The following RBSN variants were observed in gnomAD, a reference collection of about 807,000 sequenced individuals.
RBSN encodes rabenosyn, RAB effector.
Under a neutral mutation model 60.5 loss-of-function variants are expected in RBSN, and 34 were observed. That is an observed-to-expected ratio of 0.56 (90% CI 0.43 to 0.75). The LOEUF is 0.75. RBSN is among the 30% of genes least tolerant of loss of function. The pLI is 0.00. For missense variants in RBSN, 845 were observed against 986.8 expected, an observed-to-expected ratio of 0.86 and a Z score of 1.92; for synonymous variants, 322 against 366.9, an observed-to-expected ratio of 0.88 and a Z score of 1.40.
Position 15,074,799 on chromosome 3 carries a change from C to A in RBSN, c.1338G>T (p.Leu446=). 1 of 1,614,254 alleles carries A rather than the reference C, an allele frequency of 6.2e-7. No homozygotes were observed. The highest frequency in any genetic ancestry group is 8.5e-7 in the Non-Finnish European group (1 of 1,180,052). ...PLRKAEGWLP[L]SGGQGQSEDS... is the part of the protein sequence containing the mutation. ...CCTCACTCTGCCCCTGACCTCCTGA[C>A]AGTGGGAGCCAGCCCTCAGCCTTTC... The change falls in exon 14 of 14, where the codon CTG becomes CTT. Residue 446 remains leucine (L), a synonymous_variant. Transcript: ENST00000253699. The surrounding 1 kb of genome is among the most constrained non-coding windows in gnomAD (Gnocchi z 6.4).
At chr3:15,091,619 T>A in intron 4 of RBSN, 1 of 553,282 alleles carries the variant, frequency 1.8e-6, no homozygotes. Context: ...AGTTCATGCT[T>A]ACAATGTTAT....
chr3:15,081,967 T>C (rs946864450), intron 9 of RBSN, among the ~76,000 whole-genome samples: 2 of 152,212 alleles, frequency 1.3e-5, no homozygotes, highest in African/African-American at 4.8e-5. Context: ...TAGAACTTTC[T>C]AAAACTTGTA....
At chr3:15,092,876 A>G (rs1364771905) in intron 4 of RBSN, among the ~76,000 whole-genome samples, 1 of 152,230 alleles carries the variant, frequency 6.6e-6, no homozygotes, top group African/African-American at 2.4e-5. Context: ...TTTAGGAGAT[A>G]GAAAAACTGC....
At chr3:15,089,344 G>C (rs2043433146) in intron 5 of RBSN, among the ~76,000 whole-genome samples, 1 of 144,144 alleles carries the variant, frequency 6.9e-6, no homozygotes, top group African/African-American at 2.6e-5. Context: ...GTGTGCACCA[G>C]TAGTCTTAGC....
intron 4 of RBSN, chr3:15,091,488 T>A: frequency 7.8e-7 from 1 of 1,286,952 alleles, no homozygotes; most frequent in Non-Finnish European, 1.0e-6. Flanking sequence ...GAAACAGATA[T>A]AACATCTACA....
Position 15,077,113 on chromosome 3 carries a change from G to A in RBSN, c.1050C>T (p.Ser350=). The A allele has an allele frequency of 1.2e-6, 2 of 1,614,130 alleles. No individual in the cohort carries two copies. The highest frequency in any genetic ancestry group is 1.7e-6 in the Non-Finnish European group (2 of 1,180,014). ...GLNQDPPPHP[S]NLRLQRMIRY... ...TGATCATTCTCTGCAGCCGCAAATT[G>A]CTTGGATGTGGTGGAGGGTCCTGGT... The change falls in exon 12 of 14, where the codon AGC becomes AGT. Residue 350 remains serine, a synonymous_variant. Coordinates refer to ENST00000253699, the MANE Select transcript of RBSN (RefSeq NM_022340.4). This position sits in a 1 kb window ranked among gnomAD's most constrained non-coding sequence, Gnocchi z 4.4.
chr3:15,079,863 A>G (rs560985208), intron 10 of RBSN, among the ~76,000 whole-genome samples: 1 of 151,728 alleles, frequency 6.6e-6, no homozygotes, highest in Admixed American at 6.5e-5. Context: ...ATGTTCGCTA[A>G]TTTTGTGAAT....
chr3:15,092,499 C>CT (rs2043542720), intron 4 of RBSN, among the ~76,000 whole-genome samples: 1 of 152,078 alleles, frequency 6.6e-6, no homozygotes. Flanking sequence ...CTCTGCCTTC[C>CT]AGGGGTTCAA....
Position 15,074,736 on chromosome 3 carries a change from T to A in RBSN, c.1401A>T (p.Thr467=), listed in dbSNP as rs1274735463. 1.9e-6 allele frequency: 3 copies of A among 1,614,138 alleles called. No homozygotes were observed. The highest frequency in any genetic ancestry group is 2.7e-5 in the African/African-American group (2 of 74,952). ...CGGCCTTGGCCTGCCTGATGAATGA[T>A]GTGATGTTGTGGATCTGCTGGAGGA... The part of the protein sequence containing the change: ...DPLLQQIHNI[T]SFIRQAKAAG... Residue 467 remains threonine (T), a synonymous_variant, in exon 14 of 14, where the codon ACA becomes ACT. Coordinates refer to ENST00000253699, the MANE Select transcript of RBSN (RefSeq NM_022340.4). This position sits in a 1 kb window ranked among gnomAD's most constrained non-coding sequence, Gnocchi z 6.4.
intron 5 of RBSN, chr3:15,086,182 G>A: frequency 6.2e-6 from 3 of 484,654 alleles, no homozygotes; most frequent in Non-Finnish European, 1.1e-5. Flanking sequence ...AAGATGGCTT[G>A]AGCTCAGGAG....
rs1329396542 is a variant in RBSN, at chr3:15,074,330, G to T, written c.1807C>A (p.Pro603Thr). ...STQPTRVWSG[P>T]PAVGQERLPQ... ...AAGCGCTCCTGGCCAACGGCTGGGGGCCCAGACCACACTCTGGTGGGTTGA... is the reference window on the plus strand; with the variant it reads ...AAGCGCTCCTGGCCAACGGCTGGGGTCCCAGACCACACTCTGGTGGGTTGA... The change falls in exon 14 of 14, where the codon CCC becomes ACC. Residue 603 changes from proline (P) to threonine (T), a missense_variant. By Grantham distance (38) the Pro-to-Thr change is conservative (BLOSUM62 -1). Coordinates refer to ENST00000253699, the MANE Select transcript of RBSN (RefSeq NM_022340.4). The surrounding 1 kb of genome is among the most constrained non-coding windows in gnomAD (Gnocchi z 6.4). 2 of 1,613,998 alleles carry T rather than the reference G, an allele frequency of 1.2e-6. No homozygotes were observed. Among genetic ancestry groups the T allele is most frequent in the African/African-American group, 2.7e-5 (2 of 74,916 alleles).
intron 5 of RBSN, among the ~76,000 whole-genome samples, chr3:15,089,690 A>T (rs1490539895): frequency 1.3e-5 from 2 of 151,200 alleles, no homozygotes; most frequent in Non-Finnish European, 2.9e-5. Context: ...AGCTCACTGC[A>T]AGCTCTGCTT....
At chr3:15,079,102 A>C (rs2043140850) in intron 10 of RBSN, among the ~76,000 whole-genome samples, 2 of 152,118 alleles carry the variant, frequency 1.3e-5, no homozygotes. Context: ...AGGGATCAGC[A>C]AATTTTTTCC....
chr3:15,090,747 T>G (rs1316749122), intron 4 of RBSN, among the ~76,000 whole-genome samples: 2 of 152,218 alleles, frequency 1.3e-5, no homozygotes, highest in Non-Finnish European at 2.9e-5. Context: ...TTAATCAATA[T>G]TAGCATTAAA....
In RBSN at chr3:15,080,809, AC is replaced by A. The variant is rs775553913; in HGVS notation, c.841-8del. 5 of 1,613,890 alleles carry A rather than the reference AC, an allele frequency of 3.1e-6. No individual in the cohort carries two copies. The highest frequency in any genetic ancestry group is 4.2e-6 in the Non-Finnish European group (5 of 1,179,788). ...CCATGCAAAGTCGTAATTTCTAAGA[AC>A]AAAAACAAAGAGGTAAGTGGTATGC... On this transcript the variant is annotated splice_polypyrimidine_tract_variant and splice_region_variant and intron_variant, in intron 9 of 13. Coordinates refer to ENST00000253699, the MANE Select transcript of RBSN (RefSeq NM_022340.4).
intron 4 of RBSN, among the ~76,000 whole-genome samples, chr3:15,094,284 A>C (rs1001188906): frequency 7.2e-5 from 11 of 152,200 alleles, no homozygotes; most frequent in Non-Finnish European, 1.3e-4. Flanking sequence ...AAACTTACAT[A>C]ATCAGGTTTT....
At chr3:15,093,353 A>G (rs1293824243) in intron 4 of RBSN, among the ~76,000 whole-genome samples, 1 of 152,224 alleles carries the variant, frequency 6.6e-6, no homozygotes, top group African/African-American at 2.4e-5. Flanking sequence ...CATTAATAGT[A>G]CTAGAGGTAG....
intron 10 of RBSN, among the ~76,000 whole-genome samples, chr3:15,080,359 C>T (rs1421850190): frequency 1.3e-5 from 2 of 151,932 alleles, no homozygotes; most frequent in Non-Finnish European, 2.9e-5. Flanking sequence ...CAATGTGACA[C>T]TCAAGTGGCA....
chr3:15,088,681 T>C (rs997954322), intron 5 of RBSN, among the ~76,000 whole-genome samples: 1 of 152,092 alleles, frequency 6.6e-6, no homozygotes, highest in African/African-American at 2.4e-5. Context: ...CGCCCGGCTG[T>C]ATAGTATTAT....
Sources: gnomAD v4.1 joint callset for allele counts (sites outside exome capture counted in the v4.1 genomes callset) on GRCh38, gnomAD v4.1.1 for gene constraint, Gnocchi (gnomAD v3.1) non-coding constraint, MANE v1.5 for transcripts, NCBI Gene and HGNC (gene_info 2026-07-23, HGNC 2026-07-21) for gene names.